The following KYNU variants were observed in gnomAD, a reference collection of about 807,000 sequenced individuals.
KYNU encodes kynureninase, also known as L-kynurenine hydrolase.
Under a neutral mutation model 59.2 loss-of-function variants are expected in KYNU, and 54 were observed. The observed-to-expected ratio is 0.91, with a 90% CI of 0.73 to 1.14. The LOEUF is 1.14. Ranked by LOEUF, KYNU falls within the 50% of genes most tolerant of loss-of-function variation. The pLI is 0.00. For synonymous variants in KYNU, 177 were observed against 192.0 expected (o/e 0.92, Z 0.65); for missense variants, 567 against 554.4 (o/e 1.02, Z -0.23).
In KYNU at chr2:143,040,416, C is replaced by G; in HGVS notation, c.1042-12C>G. On this transcript the variant is annotated splice_polypyrimidine_tract_variant and intron_variant, in intron 12 of 13. Coordinates refer to ENST00000264170, the MANE Select transcript of KYNU (RefSeq NM_003937.3). ...ATAAGACACTTTAATCTGATTGTTT[C>G]TCATTCCACAGATCTTTAAGCAAGC... The G allele has an allele frequency of 6.3e-7, 1 of 1,595,284 alleles. No homozygotes were observed. Among genetic ancestry groups the G allele is most frequent in the East Asian group, 2.2e-5 (1 of 44,744 alleles).
At chr2:142,952,469 G>C (rs915937049) in intron 4 of KYNU, among the ~76,000 whole-genome samples, 1 of 151,756 alleles carries the variant, frequency 6.6e-6, no homozygotes, top group Non-Finnish European at 1.5e-5. Flanking sequence ...TTAGATGCAG[G>C]TTCCACTCTG....
At chr2:143,041,121 A>G (rs939106231) in intron 13 of KYNU, among the ~76,000 whole-genome samples, 1 of 152,028 alleles carries the variant, frequency 6.6e-6, no homozygotes, top group African/African-American at 2.4e-5. Context: ...AGATATATAT[A>G]CACTTCTCAG....
At chr2:143,019,462 A>T (rs1380988948) in intron 10 of KYNU, among the ~76,000 whole-genome samples, 1 of 152,006 alleles carries the variant, frequency 6.6e-6, no homozygotes, top group East Asian at 1.9e-4. Flanking sequence ...TTGATGGCTC[A>T]AGCATGTTGG....
At chr2:142,992,836 A>G (rs78405823) in intron 10 of KYNU, among the ~76,000 whole-genome samples, 6,434 of 152,154 alleles carry the variant, frequency 0.042, 324 homozygotes, top group African/African-American at 0.12. Context: ...AATATAGGCT[A>G]TTGCCTGCGA....
At chr2:143,041,939 T>C (rs988989999) in intron 13 of KYNU, 108 bp from the exon 14 acceptor site, 3 of 1,186,872 alleles carry the variant, frequency 2.5e-6, no homozygotes, top group African/African-American at 3.1e-5. Context: ...TATATATTAA[T>C]TTTTAGGGAA....
chr2:142,949,546 C>T (rs1038708326), intron 4 of KYNU, among the ~76,000 whole-genome samples: 1 of 152,196 alleles, frequency 6.6e-6, no homozygotes, highest in South Asian at 2.1e-4. Context: ...AGGCTTGCAC[C>T]CTTTGAAGCC....
chr2:142,926,551 T>C (rs1462507454), intron 3 of KYNU, among the ~76,000 whole-genome samples: 1 of 151,964 alleles, frequency 6.6e-6, no homozygotes, highest in Non-Finnish European at 1.5e-5. Flanking sequence ...TTTTATGGGG[T>C]GATAGGGAAG....
intron 2 of KYNU, among the ~76,000 whole-genome samples, chr2:142,890,915 A>C (rs534140480): frequency 5.9e-5 from 9 of 152,304 alleles, no homozygotes; most frequent in Non-Finnish European, 1.0e-4. Flanking sequence ...TTTTGTCTTA[A>C]GTTGCTCATA....
At chr2:143,018,389 G>A (rs962817900) in intron 10 of KYNU, among the ~76,000 whole-genome samples, 3 of 152,112 alleles carry the variant, frequency 2.0e-5, no homozygotes, top group Non-Finnish European at 4.4e-5. Flanking sequence ...ACCATTTATT[G>A]AGTAGGGAGT....
Position 143,054,856 on chromosome 2 carries a change from A to G in KYNU, c.*12684A>G, listed in dbSNP as rs1450232619. ...TTATGAGACTGAAGAGATATAATAA[A>G]CAAATGCAATGTGTGGACTTGGTTG... On this transcript the variant is annotated 3_prime_UTR_variant, in exon 14 of 14. Coordinates refer to ENST00000264170, the MANE Select transcript of KYNU (RefSeq NM_003937.3). The G allele has an allele frequency of 1.3e-5, 2 of 152,206 alleles. No homozygotes were observed. The highest frequency in any genetic ancestry group is 4.8e-5 in the African/African-American group (2 of 41,446). 9.4% of individuals were successfully genotyped at this position (152,206 alleles called of 1,614,324 possible).
intron 4 of KYNU, among the ~76,000 whole-genome samples, chr2:142,949,479 A>G (rs1405525471): frequency 6.6e-6 from 1 of 152,202 alleles, no homozygotes; most frequent in East Asian, 1.9e-4. Flanking sequence ...GAGGTGCCCA[A>G]ACCTTGACTT....
At position 143,042,143 on chromosome 2, in the gene KYNU, A is replaced by G. The variant is rs776476388; in HGVS notation, c.1369A>G (p.Ile457Val). ...VYKFTNLLTS[I>V]LDSAETKN The stretch of plus-strand genomic sequence containing the variant: ...TAAATTTACCAATCTGCTCACTTCT[A>G]TACTTGACTCTGCAGAAACAAAAAA... Residue 457 changes from isoleucine (I) to valine (V), a missense_variant, in exon 14 of 14, where the codon ATA becomes GTA. Physicochemically the swap from Ile to Val is conservative, Grantham distance 29 (BLOSUM62 3). Coordinates refer to ENST00000264170, the MANE Select transcript of KYNU (RefSeq NM_003937.3). 83 of 1,610,144 alleles carry G rather than the reference A, an allele frequency of 5.2e-5. No homozygotes were observed. Among genetic ancestry groups the G allele is most frequent in the Non-Finnish European group, 7.0e-5 (82 of 1,178,428 alleles).
Position 143,054,433 on chromosome 2 carries a change from T to A in KYNU, c.*12261T>A, listed in dbSNP as rs943614169. The A allele has an allele frequency of 2.6e-5, 4 of 152,194 alleles. No homozygotes were observed. The highest frequency in any genetic ancestry group is 5.9e-5 in the Non-Finnish European group (4 of 68,030). The allele number at this position is 152,194 out of a possible 1,614,324, so 9.4% of individuals were successfully genotyped here. A position where few individuals can be genotyped will look rare whatever the true frequency, so the allele number is the denominator to read the frequency against. ...AAAATCGAATATAATCATTTTTCAA[T>A]ACTTAGGATAACAGATTCAGGCAAA... On this transcript the variant is annotated 3_prime_UTR_variant, in exon 14 of 14. Coordinates refer to ENST00000264170, the MANE Select transcript of KYNU (RefSeq NM_003937.3).
rs16858410 is a variant in KYNU at position 142,962,382 on chromosome 2, A to G, written c.729+1612A>G. Among the ~76,000 whole-genome samples, 1,207 of 152,342 alleles carry G rather than the reference A, an allele frequency of 7.9e-3. 8 individuals are homozygous for G. The highest frequency in any genetic ancestry group is 0.028 in the African/African-American group (1,158 of 41,588). ...TTACAGGTTCAGTGTGAGAATGATG[A>G]ATATAAAACACCAAATGGATTGGCA... On this transcript the variant is annotated intron_variant, in intron 8 of 13. Coordinates refer to ENST00000264170, the MANE Select transcript of KYNU (RefSeq NM_003937.3).
chr2:142,934,783 G>T (rs1005406097), intron 4 of KYNU, among the ~76,000 whole-genome samples: 2 of 152,214 alleles, frequency 1.3e-5, no homozygotes, highest in African/African-American at 4.8e-5. Flanking sequence ...CTAATAGGAG[G>T]TTTTGGCCAG....
Position 142,960,680 on chromosome 2 carries a change from C to T in KYNU, c.639C>T (p.Asp213=). The T allele has an allele frequency of 6.2e-7, 1 of 1,613,606 alleles. No homozygotes were observed. Among genetic ancestry groups the T allele is most frequent in the Non-Finnish European group, 8.5e-7 (1 of 1,179,670 alleles). Residue 213 remains aspartate, a synonymous_variant, in exon 8 of 14, where the codon GAC becomes GAT. Transcript: ENST00000264170. ...TTGAAGTAATTGAGAAGGAAGGAGA[C>T]TCAATTGCAGTGATCCTGTTCAGTG... The part of the protein sequence containing the change: ...DILEVIEKEG[D]SIAVILFSGV...
Position 142,903,749 on chromosome 2 carries a change from TC to T in KYNU, c.170-14856del, listed in dbSNP as rs1311126701. 2.0e-5 allele frequency among the ~76,000 whole-genome samples: 3 copies of T among 152,274 alleles called. No homozygotes were observed. In the East Asian group the frequency reaches 5.8e-4, roughly 29 times the overall value. ...TGGCTTCTGACTCAGAGGACCTTCGTCCCCTGGGGCAGTGGGCCTTCCAGTG... is the reference window on the plus strand; with the variant it reads ...TGGCTTCTGACTCAGAGGACCTTCGTCCCTGGGGCAGTGGGCCTTCCAGTG... On this transcript the variant is annotated intron_variant, in intron 2 of 13. Transcript: ENST00000264170.
intron 11 of KYNU, among the ~76,000 whole-genome samples, chr2:143,030,553 C>G (rs1423011474): frequency 6.6e-6 from 1 of 152,116 alleles, no homozygotes; most frequent in East Asian, 1.9e-4. Flanking sequence ...AGGCTCAGTT[C>G]AGCCTTGATA....
intron 8 of KYNU, among the ~76,000 whole-genome samples, chr2:142,981,550 T>C (rs1685052655): frequency 6.6e-6 from 1 of 152,108 alleles, no homozygotes; most frequent in Non-Finnish European, 1.5e-5. Flanking sequence ...TGATGACTTC[T>C]AAGTTTTGAT....
Sources: gnomAD v4.1 joint callset for allele counts (sites outside exome capture counted in the v4.1 genomes callset) on GRCh38, gnomAD v4.1.1 for gene constraint, MANE v1.5 for transcripts, NCBI Gene and HGNC (gene_info 2026-07-23, HGNC 2026-07-21) for gene names.